VMA21: variants seen among roughly 807,000 people sequenced by gnomAD.
The protein encoded by VMA21 is vacuolar ATPase assembly integral membrane protein VMA21.
For missense variants in VMA21, 61 were observed against 80.6 expected (o/e 0.76, Z 0.93); for synonymous variants, 47 against 34.1 (o/e 1.38, Z -1.32).
At chrX:151,396,827 C>T (rs1403991281), upstream of VMA21, 4 of 512,176 alleles carry the variant, frequency 7.8e-6, no homozygotes, top group African/African-American at 9.4e-5. Flanking sequence ...GGTAGTCCCT[C>T]TTCGCGGCTC....
At chrX:151,402,425 G>A (rs996581656) in intron 1 of VMA21, among the ~76,000 whole-genome samples, 9 of 110,506 alleles carry the variant, frequency 8.1e-5, no homozygotes, top group East Asian at 2.9e-4. Flanking sequence ...CAAGTGATCC[G>A]CCTGCCTCGG....
chrX:151,399,781 T>A (rs2011223907), intron 1 of VMA21, among the ~76,000 whole-genome samples: 1 of 25,435 alleles, frequency 3.9e-5, no homozygotes, highest in African/African-American at 7.8e-4. Flanking sequence ...TATTAGAACT[T>A]TTTTTTTTAC....
In VMA21 at chrX:151,407,107, T is replaced by C. The variant is rs1357862573; in HGVS notation, c.*2049T>C. ...TATTTCTTGTGCTTTTGGGATCTTA[T>C]GCTGTTTGTAAAATGTTACTGTCCA... On this transcript the variant is annotated 3_prime_UTR_variant, in exon 3 of 3. Coordinates refer to ENST00000330374, the MANE Select transcript of VMA21 (RefSeq NM_001017980.4). 8.9e-6 allele frequency: 1 copy of C among 112,673 alleles called. No individual in the cohort carries two copies. Among genetic ancestry groups the C allele is most frequent in the Non-Finnish European group, 1.9e-5 (1 of 53,394 alleles). The allele number at this position is 112,673 out of a possible 1,213,427, so 9.3% of individuals were successfully genotyped here.
intron 2 of VMA21, among the ~76,000 whole-genome samples, chrX:151,404,409 ATGTTTGTTTGTT>A: frequency 9.1e-6 from 1 of 109,451 alleles, no homozygotes; most frequent in East Asian, 2.9e-4. Context: ...GTTTAAAACA[ATGTTTGTTTGTT>A]TGTTTGTTTG....
upstream of VMA21, chrX:151,396,862 C>G: frequency 1.9e-6 from 1 of 524,209 alleles, no homozygotes; most frequent in Non-Finnish European, 3.5e-6. Context: ...CCTTGCGGCC[C>G]CCAGCTCAGC....
rs1758672842 is a variant in VMA21 at position 151,407,792 on chromosome X, G to T, written c.*2734G>T. On this transcript the variant is annotated 3_prime_UTR_variant, in exon 3 of 3. Coordinates refer to ENST00000330374, the MANE Select transcript of VMA21 (RefSeq NM_001017980.4). ...TAACAGTAGAATTTGGTTTGGGGTT[G>T]TTAGTGAAAAAAAATTTAAACCTGC... The T allele has an allele frequency of 9.0e-6, 1 of 111,484 alleles. No homozygotes were observed. Among genetic ancestry groups the T allele is most frequent in the South Asian group, 3.7e-4 (1 of 2,679 alleles). 9.2% of individuals were successfully genotyped at this position (111,484 alleles called of 1,213,427 possible).
At chrX:151,399,948 A>G (rs1288450888) in intron 1 of VMA21, among the ~76,000 whole-genome samples, 1 of 111,462 alleles carries the variant, frequency 9.0e-6, no homozygotes, top group East Asian at 2.8e-4. Flanking sequence ...TTTGAGGTTC[A>G]TAACATGATG....
chrX:151,404,772 T>C (rs185977077), intron 2 of VMA21, 144 bp from the exon 3 acceptor site: 203 of 675,959 alleles, frequency 3.0e-4, no homozygotes, highest in Non-Finnish European at 4.2e-4. Context: ...GTGAATACTT[T>C]ATTCATTACC....
At chrX:151,397,629 T>TC (rs111791502) in intron 1 of VMA21, among the ~76,000 whole-genome samples, 9,187 of 112,542 alleles carry the variant, frequency 0.082, 880 homozygotes, top group African/African-American at 0.28. Context: ...TCTCTCGCTG[T>TC]GTCTATATTG....
chrX:151,403,679 A>G lies in VMA21; in HGVS notation c.102A>G (p.Thr34=), dbSNP rs141809048. Residue 34 remains threonine (T), a synonymous_variant, in exon 2 of 3, where the codon ACA becomes ACG. Transcript: ENST00000330374. ...CACTGAAGACGCTCCTGTTCTTCAC[A>G]GCTTTAATGATCACTGTTCCTATTG... is the stretch of plus-strand genomic sequence containing the variant. ...ASTLKTLLFF[T]ALMITVPIGL... 22 of 1,209,505 alleles carry G rather than the reference A, an allele frequency of 1.8e-5. No individual in the cohort carries two copies. The highest frequency in any genetic ancestry group is 2.2e-5 in the Non-Finnish European group (20 of 894,417).
At position 151,403,651 on chromosome X, in the gene VMA21, C is replaced by A; in HGVS notation, c.74C>A (p.Ser25Tyr). 1 of 1,208,900 alleles carries A rather than the reference C, an allele frequency of 8.3e-7. No homozygotes were observed. The highest frequency in any genetic ancestry group is 1.1e-6 in the Non-Finnish European group (1 of 892,868). ...PEFRNESSLA[S>Y]TLKTLLFFTA... ...TCCAGAAATGAAAGCTCATTAGCAT[C>A]TACACTGAAGACGCTCCTGTTCTTC... The change falls in exon 2 of 3, where the codon TCT (serine) becomes TAT (tyrosine). Residue 25 changes from serine to tyrosine, a missense_variant. Coordinates refer to ENST00000330374, the MANE Select transcript of VMA21 (RefSeq NM_001017980.4).
rs2011201705 is a variant in VMA21, at chrX:151,397,378, C to T, written c.53+17C>T. The T allele has an allele frequency of 4.3e-6, 5 of 1,159,616 alleles. No homozygotes were observed. The highest frequency in any genetic ancestry group is 4.6e-6 in the Non-Finnish European group (4 of 871,719). On this transcript the variant is annotated intron_variant, in intron 1 of 2. Coordinates refer to ENST00000330374, the MANE Select transcript of VMA21 (RefSeq NM_001017980.4). Reference sequence around the variant, plus strand: ...TGAGTTCAGGTAGCCCTGAGCGGGGCCTGGACCGCGAGGCGGACTGGCCCC... The same window carrying T: ...TGAGTTCAGGTAGCCCTGAGCGGGGTCTGGACCGCGAGGCGGACTGGCCCC...
intron 1 of VMA21, among the ~76,000 whole-genome samples, chrX:151,400,124 A>G (rs1408255018): frequency 9.0e-6 from 1 of 110,964 alleles, no homozygotes; most frequent in Admixed American, 9.6e-5. Flanking sequence ...TACATTAGAT[A>G]TCTCACTTGT....
chrX:151,407,354 A>C lies in VMA21; in HGVS notation c.*2296A>C, dbSNP rs1160398002. 8.8e-6 allele frequency: 1 copy of C among 113,030 alleles called. No homozygotes were observed. The allele number at this position is 113,030 out of a possible 1,213,427, so 9.3% of individuals were successfully genotyped here. On this transcript the variant is annotated 3_prime_UTR_variant, in exon 3 of 3. Transcript: ENST00000330374. Reference sequence around the variant, plus strand: ...AAAGCAGTTTTTTCCTAGAGTTTTAACTGTTAACTCACTAGTTTGCTGCTG... The same window carrying C: ...AAAGCAGTTTTTTCCTAGAGTTTTACCTGTTAACTCACTAGTTTGCTGCTG...
chrX:151,407,465 A>G lies in VMA21; in HGVS notation c.*2407A>G, dbSNP rs1284160163. On this transcript the variant is annotated 3_prime_UTR_variant, in exon 3 of 3. Transcript: ENST00000330374. ...TCACTAGTTTCCTTTTACACAATGT[A>G]TATACTTCAAGATGTATAGAAAGGA... is the stretch of plus-strand genomic sequence containing the variant. The G allele has an allele frequency of 1.8e-5, 2 of 112,924 alleles. No individual in the cohort carries two copies. The highest frequency in any genetic ancestry group is 6.5e-5 in the African/African-American group (2 of 30,970). 9.3% of individuals were successfully genotyped at this position (112,924 alleles called of 1,213,427 possible).
intron 1 of VMA21, among the ~76,000 whole-genome samples, chrX:151,402,681 G>T (rs138127546): frequency 0.013 from 1,431 of 112,658 alleles, 16 homozygotes; most frequent in African/African-American, 0.044. Flanking sequence ...TTCCAGCTGG[G>T]GAGGGCGCAC....
intron 1 of VMA21, among the ~76,000 whole-genome samples, chrX:151,398,432 A>G (rs1439750054): frequency 1.8e-5 from 2 of 110,116 alleles, no homozygotes; most frequent in Non-Finnish European, 1.9e-5. Flanking sequence ...CCCACTTATG[A>G]GAACGTGCAG....
In VMA21 at chrX:151,405,784, C is replaced by A. The variant is rs2011285332; in HGVS notation, c.*726C>A. ...AACTTTTTAATGAGATACTTTGCTT[C>A]CTCATTCAACATTGAAGCTAGGCTT... On this transcript the variant is annotated 3_prime_UTR_variant, in exon 3 of 3. Coordinates refer to ENST00000330374, the MANE Select transcript of VMA21 (RefSeq NM_001017980.4). 1 of 111,881 alleles carries A rather than the reference C, an allele frequency of 8.9e-6. No homozygotes were observed. The highest frequency in any genetic ancestry group is 1.9e-5 in the Non-Finnish European group (1 of 53,218). The allele number at this position is 111,881 out of a possible 1,213,427, so 9.2% of individuals were successfully genotyped here. A position where few individuals can be genotyped will look rare whatever the true frequency, so the allele number is the denominator to read the frequency against.
Position 151,397,295 on chromosome X carries a change from G to A in VMA21, c.-14G>A, listed in dbSNP as rs192786179. The A allele has an allele frequency of 1.7e-6, 2 of 1,156,272 alleles. No individual in the cohort carries two copies. The highest frequency in any genetic ancestry group is 1.8e-5 in the African/African-American group (1 of 55,927). ...AGCTCCGCCGCCGAGCGCCTGTGCCGGCACGGCTACACCATGGAGCGCCCG... is the reference window on the plus strand; with the variant it reads ...AGCTCCGCCGCCGAGCGCCTGTGCCAGCACGGCTACACCATGGAGCGCCCG... On this transcript the variant is annotated 5_prime_UTR_variant, in exon 1 of 3. Coordinates refer to ENST00000330374, the MANE Select transcript of VMA21 (RefSeq NM_001017980.4).
Sources: allele counts gnomAD v4.1 joint callset (sites outside exome capture counted in the v4.1 genomes callset), GRCh38; gene constraint gnomAD v4.1.1; transcripts MANE v1.5; gene names NCBI Gene and HGNC (gene_info 2026-07-23, HGNC 2026-07-21).